SPACA7: variants seen among roughly 807,000 people sequenced by gnomAD.
SPACA7 encodes sperm acrosome-associated protein 7.
A neutral mutation model predicts 26.3 loss-of-function variants in SPACA7; 19 were observed. The observed-to-expected ratio is 0.72, with a 90% CI of 0.50 to 1.06. The LOEUF (loss-of-function observed/expected upper bound fraction) is 1.06. Among genes scored for constraint, SPACA7 ranks in the 50% least tolerant of loss-of-function variants. The pLI is 0.00. For missense variants in SPACA7, 211 were observed against 229.9 expected, an observed-to-expected ratio of 0.92 and a Z score of 0.53; for synonymous variants, 84 against 84.5, an observed-to-expected ratio of 0.99 and a Z score of 0.04.
chr13:112,402,147 C>T (rs988319001), intron 5 of SPACA7, among the ~76,000 whole-genome samples: 3 of 152,106 alleles, frequency 2.0e-5, no homozygotes, highest in African/African-American at 7.2e-5. Flanking sequence ...GGCAGTTTTA[C>T]AATGTTGAGT....
intron 1 of SPACA7, among the ~76,000 whole-genome samples, chr13:112,386,631 A>T (rs1884545153): frequency 6.6e-6 from 1 of 152,182 alleles, no homozygotes; most frequent in Admixed American, 6.5e-5. Context: ...AATGGAGACA[A>T]ATAGTACAGT....
At chr13:112,404,303 A>G (rs1197583888) in intron 5 of SPACA7, among the ~76,000 whole-genome samples, 1 of 152,030 alleles carries the variant, frequency 6.6e-6, no homozygotes. Flanking sequence ...TTTTCATTGT[A>G]GATTCTGGAT....
At chr13:112,427,088 A>G (rs535240392) in intron 5 of SPACA7, among the ~76,000 whole-genome samples, 1 of 152,326 alleles carries the variant, frequency 6.6e-6, no homozygotes, top group South Asian at 2.1e-4. Flanking sequence ...TTGTTCATAA[A>G]TGGAGTTTGA....
At chr13:112,385,622 C>T (rs1265083962) in intron 1 of SPACA7, among the ~76,000 whole-genome samples, 2 of 152,076 alleles carry the variant, frequency 1.3e-5, no homozygotes, top group Non-Finnish European at 2.9e-5. Flanking sequence ...AATAGTTTGA[C>T]CTTAAAACAT....
chr13:112,410,860 T>C (rs1372928979), intron 5 of SPACA7, among the ~76,000 whole-genome samples: 1 of 152,180 alleles, frequency 6.6e-6, no homozygotes, highest in Non-Finnish European at 1.5e-5. Flanking sequence ...CCTGTGTTCA[T>C]AGCATTATTC....
chr13:112,410,255 T>G (rs1336050454), intron 5 of SPACA7, among the ~76,000 whole-genome samples: 1 of 152,048 alleles, frequency 6.6e-6, no homozygotes, highest in Non-Finnish European at 1.5e-5. Context: ...TTAGGAGATA[T>G]ACCTAATGTA....
chr13:112,428,871 T>C (rs992162468), intron 5 of SPACA7, among the ~76,000 whole-genome samples: 1 of 152,256 alleles, frequency 6.6e-6, no homozygotes, highest in Non-Finnish European at 1.5e-5. Context: ...GTATGCTAAG[T>C]AGACTTGTTC....
At chr13:112,377,182 C>A (rs1046210770) in intron 1 of SPACA7, among the ~76,000 whole-genome samples, 3 of 152,074 alleles carry the variant, frequency 2.0e-5, no homozygotes, top group African/African-American at 7.2e-5. Context: ...TCAGCAAAGG[C>A]CAAGAGGGCT....
intron 5 of SPACA7, among the ~76,000 whole-genome samples, chr13:112,420,473 G>C (rs1259403333): frequency 2.6e-5 from 4 of 151,776 alleles, no homozygotes; most frequent in Non-Finnish European, 4.4e-5. Flanking sequence ...TGCACAGCTA[G>C]GAAACAAAGT....
chr13:112,397,226 C>A (rs1011620165), intron 2 of SPACA7, among the ~76,000 whole-genome samples: 2 of 152,302 alleles, frequency 1.3e-5, no homozygotes, highest in Admixed American at 1.3e-4. Context: ...GGTGACCAGA[C>A]GCCCGCTTTG....
At chr13:112,392,801 G>A (rs1722052258) in intron 1 of SPACA7, among the ~76,000 whole-genome samples, 1 of 152,016 alleles carries the variant, frequency 6.6e-6, no homozygotes, top group Non-Finnish European at 1.5e-5. Context: ...CAGCCACCCC[G>A]GAGGTGGCTG....
chr13:112,396,493 G>A (rs915461410), intron 2 of SPACA7, among the ~76,000 whole-genome samples: 7 of 152,180 alleles, frequency 4.6e-5, no homozygotes, highest in Non-Finnish European at 1.0e-4. Context: ...TGGCTGGCTG[G>A]AATGGGGTAG....
At chr13:112,394,934 C>T (rs1437921164) in intron 2 of SPACA7, among the ~76,000 whole-genome samples, 1 of 152,188 alleles carries the variant, frequency 6.6e-6, no homozygotes, top group Non-Finnish European at 1.5e-5. Context: ...CCATCCACAC[C>T]CCCAGATTTC....
At chr13:112,405,034 G>C (rs796104034) in intron 5 of SPACA7, among the ~76,000 whole-genome samples, 27 of 139,606 alleles carry the variant, frequency 1.9e-4, no homozygotes, top group African/African-American at 7.2e-4. Context: ...CCAGGCAGGA[G>C]TGCAGTGGCG....
chr13:112,388,409 T>G, intron 1 of SPACA7, among the ~76,000 whole-genome samples: 1 of 152,030 alleles, frequency 6.6e-6, no homozygotes, highest in East Asian at 1.9e-4. Flanking sequence ...AGGGCTACAG[T>G]TAAGGGACGT....
intron 5 of SPACA7, among the ~76,000 whole-genome samples, chr13:112,425,737 T>TA (rs1438266217): frequency 1.3e-4 from 20 of 151,970 alleles, no homozygotes; most frequent in African/African-American, 4.8e-4. Context: ...GGTTGAGAGC[T>TA]AAAGAAAAGG....
chr13:112,383,371 T>A (rs549736337), intron 1 of SPACA7, among the ~76,000 whole-genome samples: 1 of 152,276 alleles, frequency 6.6e-6, no homozygotes, highest in African/African-American at 2.4e-5. Flanking sequence ...TTTTTCTCTC[T>A]CCAGTCCCTA....
At chr13:112,385,751 C>T (rs1884484953) in intron 1 of SPACA7, among the ~76,000 whole-genome samples, 1 of 152,094 alleles carries the variant, frequency 6.6e-6, no homozygotes, top group African/African-American at 2.4e-5. Flanking sequence ...GTCACGTGAA[C>T]AAAAATGCAT....
intron 5 of SPACA7, among the ~76,000 whole-genome samples, chr13:112,409,393 CA>C (rs1566476040): frequency 1.3e-5 from 2 of 148,754 alleles, no homozygotes; most frequent in Non-Finnish European, 3.0e-5. Context: ...AGAGCTTCTG[CA>C]CAGCAAAAGA....
Sources: gnomAD v4.1 joint callset for allele counts (sites outside exome capture counted in the v4.1 genomes callset) on GRCh38, gnomAD v4.1.1 for gene constraint, MANE v1.5 for transcripts, NCBI Gene and HGNC (gene_info 2026-07-23, HGNC 2026-07-21) for gene names.